ATG2B: variants seen among roughly 807,000 people sequenced by gnomAD.
The protein encoded by ATG2B is autophagy-related protein 2 homolog B.
ATG2B carries 121 observed loss-of-function variants against 241.3 expected under a neutral mutation model. The ratio of observed to expected loss-of-function variants is 0.50; its 90% CI spans 0.43 to 0.58. ATG2B has a LOEUF of 0.58. Ranked by LOEUF, ATG2B falls within the 20% of genes least tolerant of loss-of-function variation. The pLI is 0.00. For synonymous variants in ATG2B, 858 were observed against 876.6 expected, an observed-to-expected ratio of 0.98 and a Z score of 0.37; for missense variants, 2,306 against 2,491.6, an observed-to-expected ratio of 0.93 and a Z score of 1.59.
In ATG2B at chr14:96,281,689, G is replaced by T. The variant is rs1886203574; in HGVS notation, c.*4066C>A. ...TTTAGAGGGAGGTGCTGCTACCCGGGACATTAGAGATATAACTGAGCCAGC... is the reference window on the plus strand; with the variant it reads ...TTTAGAGGGAGGTGCTGCTACCCGGTACATTAGAGATATAACTGAGCCAGC... On this transcript the variant is annotated 3_prime_UTR_variant, in exon 42 of 42. Coordinates refer to ENST00000359933, the MANE Select transcript of ATG2B (RefSeq NM_018036.7). 1 of 152,172 alleles carries T rather than the reference G, an allele frequency of 6.6e-6. No homozygotes were observed. Among genetic ancestry groups the T allele is most frequent in the Non-Finnish European group, 1.5e-5 (1 of 68,044 alleles). 9.4% of individuals were successfully genotyped at this position (152,172 alleles called of 1,614,324 possible).
chr14:96,328,653 T>G (rs377135959), intron 13 of ATG2B, 21 bp downstream of exon 13: 202 of 1,579,776 alleles, frequency 1.3e-4, no homozygotes, highest in Non-Finnish European at 2.6e-5. Context: ...CAGGTGGCAA[T>G]TATAGAAAAA....
At chr14:96,333,003 G>A (rs1369937268) in intron 8 of ATG2B, among the ~76,000 whole-genome samples, 1 of 152,050 alleles carries the variant, frequency 6.6e-6, no homozygotes, top group East Asian at 1.9e-4. Flanking sequence ...GCAACCTCTA[G>A]TTTCATCTGG....
intron 1 of ATG2B, 36 bp downstream of exon 1, chr14:96,362,779 G>A: frequency 6.3e-7 from 1 of 1,580,224 alleles, no homozygotes; most frequent in Non-Finnish European, 8.6e-7. Context: ...AAAGAGGGGA[G>A]CGAGCCCCGC....
Position 96,315,213 on chromosome 14 carries a change from G to A in ATG2B, c.3583C>T (p.Leu1195=). The A allele has an allele frequency of 6.2e-7, 1 of 1,614,038 alleles. No homozygotes were observed. The highest frequency in any genetic ancestry group is 1.1e-5 in the South Asian group (1 of 91,088). The change falls in exon 23 of 42, where the codon CTG becomes TTG. Residue 1195 remains leucine, a synonymous_variant. Coordinates refer to ENST00000359933, the MANE Select transcript of ATG2B (RefSeq NM_018036.7). ...CTATGCTGGAGAGTGGCTCCTTTCA[G>A]TCCTACGGCAATGAGAAATTCCTAT... ...NTKEFLIAVG[L]KGATLQHRML...
Position 96,316,621 on chromosome 14 carries a change from A to C in ATG2B, c.3273T>G (p.Gly1091=), listed in dbSNP as rs930638501. Residue 1091 remains glycine (G), a synonymous_variant, in exon 21 of 42, where the codon GGT becomes GGG. Transcript: ENST00000359933. ...HGEFWLEFNS[G]SLFCVTKYEG... Reference sequence around the variant, plus strand: ...CATATTTTGTCACACAAAATAATGAACCACTATTGAACTCTAACCAGAATT... The same window carrying C: ...CATATTTTGTCACACAAAATAATGACCCACTATTGAACTCTAACCAGAATT... The C allele has an allele frequency of 6.2e-7, 1 of 1,613,184 alleles. No individual in the cohort carries two copies.
chr14:96,337,727 G>GT (rs952326302), intron 6 of ATG2B, among the ~76,000 whole-genome samples: 1 of 151,906 alleles, frequency 6.6e-6, no homozygotes, highest in Admixed American at 6.6e-5. Context: ...CCCCAGATCT[G>GT]TTTTTTGTTT....
intron 11 of ATG2B, among the ~76,000 whole-genome samples, chr14:96,330,051 G>GAAA (rs34652288): frequency 2.1e-4 from 28 of 134,804 alleles, no homozygotes; most frequent in African/African-American, 3.8e-4. Flanking sequence ...TCAAAAATGG[G>GAAA]AAAAAAAAAA....
Position 96,332,362 on chromosome 14 carries a change from C to A in ATG2B, c.1411G>T (p.Val471Leu), listed in dbSNP as rs754424881. ...TTGGATGGAAATGTTGACCCTCTTA[C>A]TGGCTGTTCTTTATGATGATCAAGG... ...EFLDHHKEQP[V>L]RGSTFPSNLV... Residue 471 changes from valine to leucine, a missense_variant, in exon 10 of 42, where the codon GTA becomes TTA. Around this residue, in one of 2 missense-constraint regions of ATG2B, gnomAD observed 1,927 missense variants for 2,011.2 expected, o/e 0.96. Transcript: ENST00000359933. 2 of 1,613,920 alleles carry A rather than the reference C, an allele frequency of 1.2e-6. No individual in the cohort carries two copies. Among genetic ancestry groups the A allele is most frequent in the Non-Finnish European group, 1.7e-6 (2 of 1,179,832 alleles).
At chr14:96,322,492 G>T in intron 17 of ATG2B, 48 bp downstream of exon 17, 1 of 1,536,604 alleles carries the variant, frequency 6.5e-7, no homozygotes. Context: ...ATTGCTCTAT[G>T]ACAGAGAATA....
At chr14:96,334,055 T>C (rs1887809363) in intron 7 of ATG2B, among the ~76,000 whole-genome samples, 182 bp from the exon 8 acceptor site, 1 of 152,198 alleles carries the variant, frequency 6.6e-6, no homozygotes, top group African/African-American at 2.4e-5. Context: ...AATCCCAAAA[T>C]CTTATCGCTG....
chr14:96,345,562 A>G (rs562612336), intron 2 of ATG2B, among the ~76,000 whole-genome samples, 177 bp from the exon 3 acceptor site: 2 of 152,194 alleles, frequency 1.3e-5, no homozygotes, highest in Non-Finnish European at 2.9e-5. Context: ...AAATCACCTT[A>G]TAATAACCAA....
chr14:96,307,850 A>G (rs1262128772), intron 29 of ATG2B, among the ~76,000 whole-genome samples: 1 of 152,158 alleles, frequency 6.6e-6, no homozygotes, highest in African/African-American at 2.4e-5. Flanking sequence ...CAAAATCTGC[A>G]TGTCAACATA....
chr14:96,362,269 A>T (rs1215674309), intron 1 of ATG2B, among the ~76,000 whole-genome samples: 1 of 152,180 alleles, frequency 6.6e-6, no homozygotes, highest in Non-Finnish European at 1.5e-5. Context: ...GTAAACATAT[A>T]ATCAAGCAAA....
chr14:96,354,019 T>C (rs1888406251), intron 1 of ATG2B, among the ~76,000 whole-genome samples: 1 of 152,212 alleles, frequency 6.6e-6, no homozygotes, highest in South Asian at 2.1e-4. Flanking sequence ...CTACAACTAT[T>C]TAAAATTATA....
intron 41 of ATG2B, among the ~76,000 whole-genome samples, chr14:96,286,956 TA>T (rs1289913265): frequency 4.0e-5 from 6 of 151,826 alleles, no homozygotes; most frequent in Non-Finnish European, 7.4e-5. Context: ...CACAGAGCAA[TA>T]AAAAAGATGT....
chr14:96,324,812 A>G (rs1887547388), intron 15 of ATG2B, among the ~76,000 whole-genome samples: 1 of 152,196 alleles, frequency 6.6e-6, no homozygotes. Flanking sequence ...TCATGAAGTC[A>G]TAATTGACAA....
chr14:96,290,962 A>G lies in ATG2B; in HGVS notation c.5580-27T>C. ...TAGAGCAAATGATTATTAGTATGTC[A>G]AAAGGAGAAATACATTTATAGACAC... On this transcript the variant is annotated intron_variant, in intron 38 of 41. Coordinates refer to ENST00000359933, the MANE Select transcript of ATG2B (RefSeq NM_018036.7). The surrounding 1 kb of genome is among the most constrained non-coding windows in gnomAD (Gnocchi z 4.4). 2 of 1,589,090 alleles carry G rather than the reference A, an allele frequency of 1.3e-6. No homozygotes were observed. Among genetic ancestry groups the G allele is most frequent in the Non-Finnish European group, 1.7e-6 (2 of 1,167,194 alleles).
rs2275022 is a variant in ATG2B at position 96,291,823 on chromosome 14, C to T, written c.5497-141G>A. On this transcript the variant is annotated intron_variant, in intron 37 of 41. Transcript: ENST00000359933. Reference sequence around the variant, plus strand: ...AAATATTTACAGTAAAAATATATATCTTACAATACATATGACCCAATTTAT... The same window carrying T: ...AAATATTTACAGTAAAAATATATATTTTACAATACATATGACCCAATTTAT... 463,205 of 631,854 alleles carry T rather than the reference C, an allele frequency of 0.73. 171,399 individuals are homozygous for T. The highest frequency in any genetic ancestry group is 0.89 in the African/African-American group (48,401 of 54,166). 39.1% of individuals were successfully genotyped at this position (631,854 alleles called of 1,614,324 possible). A position where few individuals can be genotyped will look rare whatever the true frequency, so the allele number is the denominator to read the frequency against.
Position 96,363,286 on chromosome 14 carries a change from G to T in ATG2B, c.-310C>A, listed in dbSNP as rs941483869. 1 of 289,872 alleles carries T rather than the reference G, an allele frequency of 3.4e-6. No individual in the cohort carries two copies. Among genetic ancestry groups the T allele is most frequent in the Non-Finnish European group, 6.6e-6 (1 of 152,220 alleles). The allele number at this position is 289,872 out of a possible 1,614,324, so 18.0% of individuals were successfully genotyped here. ...GGCGGCAGGGGCTGAGGCAGCCACC[G>T]CCACTGCCGCCGCGCGACGAATTTG... On this transcript the variant is annotated 5_prime_UTR_variant, in exon 1 of 42. Coordinates refer to ENST00000359933, the MANE Select transcript of ATG2B (RefSeq NM_018036.7).
Sources: allele counts gnomAD v4.1 joint callset (sites outside exome capture counted in the v4.1 genomes callset), GRCh38; gene constraint gnomAD v4.1.1; regional missense constraint gnomAD v4.1.1; non-coding constraint Gnocchi (gnomAD v3.1); transcripts MANE v1.5; gene names NCBI Gene and HGNC (gene_info 2026-07-23, HGNC 2026-07-21).